TTN: variants seen among roughly 807,000 people sequenced by gnomAD.
TTN encodes the protein titin.
Under a neutral mutation model 3,223.0 loss-of-function variants are expected in TTN, and 1,525 were observed. The ratio of observed to expected loss-of-function variants is 0.47; its 90% CI spans 0.45 to 0.49. The LOEUF (loss-of-function observed/expected upper bound fraction) is 0.49. Among genes scored for constraint, TTN ranks in the 20% least tolerant of loss-of-function variants. The pLI is 0.00. For missense variants in TTN, 40,786 were observed against 43,424.0 expected (o/e 0.94, Z 5.40); for synonymous variants, 14,094 against 15,161.0 (o/e 0.93, Z 5.17).
At position 178,566,799 on chromosome 2, in the gene TTN, G is replaced by A. The variant is rs780658084; in HGVS notation, c.79333C>T (p.Arg26445Cys). 11 of 1,613,238 alleles carry A rather than the reference G, an allele frequency of 6.8e-6. No homozygotes were observed. The highest frequency in any genetic ancestry group is 3.3e-5 in the Admixed American group (2 of 59,974). Residue 26445 changes from arginine (R) to cysteine (C), a missense_variant, in exon 326 of 363, where the codon CGT (arginine) becomes TGT (cysteine). Transcript: ENST00000589042. ...KCNKRRITDL[R>C]LRVTGLTEDH... ...TCTGTTAATCCTGTCACTCTTAGAC[G>A]CAAATCTGTAATGCGGCGTTTATTA...
intron 295 of TTN, 56 bp downstream of exon 295, chr2:178,595,451 C>A: frequency 6.7e-7 from 1 of 1,499,556 alleles, no homozygotes; most frequent in South Asian, 1.3e-5. Flanking sequence ...TCACCATAGT[C>A]TTGTACTAAA....
Position 178,634,049 on chromosome 2 carries a change from A to G in TTN, c.42450T>C (p.Asp14150=). ...CTGTTTCACCTTCTTTTACTGTTTG[A>G]TCTTCAAGAGGTGACATGAATTTCA... ...IRLKFMSPLE[D]QTVKEGETAT... The change falls in exon 231 of 363, where the codon GAT becomes GAC. Residue 14150 remains aspartate, a synonymous_variant. Coordinates refer to ENST00000589042, the MANE Select transcript of TTN (RefSeq NM_001267550.2). The surrounding 1 kb of genome is among the most constrained non-coding windows in gnomAD (Gnocchi z 4.6). 1 of 1,613,098 alleles carries G rather than the reference A, an allele frequency of 6.2e-7. No homozygotes were observed. The highest frequency in any genetic ancestry group is 8.5e-7 in the Non-Finnish European group (1 of 1,179,428).
chr2:178,741,223 C>T lies in TTN; in HGVS notation c.12010G>A (p.Glu4004Lys), dbSNP rs755242569. 9.9e-6 allele frequency: 16 copies of T among 1,613,436 alleles called. No individual in the cohort carries two copies. Among genetic ancestry groups the T allele is most frequent in the Non-Finnish European group, 1.4e-5 (16 of 1,179,818 alleles). Reference sequence around the variant, plus strand: ...TTACAGATATAGAGGCCACTGTCTTCCCTCTGAGGGTCATTGACAATGAAA... The same window carrying T: ...TTACAGATATAGAGGCCACTGTCTTTCCTCTGAGGGTCATTGACAATGAAA... ...GTFIVNDPQR[E>K]DSGLYICKAE... is the part of the protein sequence containing the mutation. The change falls in exon 48 of 363, where the codon GAA (glutamate) becomes AAA (lysine). Residue 4004 changes from glutamate to lysine, a missense_variant. Coordinates refer to ENST00000589042, the MANE Select transcript of TTN (RefSeq NM_001267550.2).
chr2:178,530,586 C>T lies in TTN; in HGVS notation c.106029G>A (p.Glu35343=), dbSNP rs985272969. ...ATTCAGTGAGGTTATTGATTTTGAG[C>T]TCATAGGTACCATCTGCTGAATAAT... ...QFHYSADGTY[E]LKINNLTESD... is the part of the protein sequence containing the mutation. Residue 35343 remains glutamate, a synonymous_variant, in exon 358 of 363, where the codon GAG becomes GAA. Coordinates refer to ENST00000589042, the MANE Select transcript of TTN (RefSeq NM_001267550.2). The T allele has an allele frequency of 6.2e-7, 1 of 1,613,888 alleles. No homozygotes were observed. Among genetic ancestry groups the T allele is most frequent in the Admixed American group, 1.7e-5 (1 of 59,998 alleles).
In TTN at chr2:178,618,181, C is replaced by A; in HGVS notation, c.47269+8G>T. The A allele has an allele frequency of 1.2e-6, 2 of 1,611,368 alleles. No individual in the cohort carries two copies. Among genetic ancestry groups the A allele is most frequent in the African/African-American group, 1.3e-5 (1 of 74,844 alleles). On this transcript the variant is annotated splice_region_variant and intron_variant, in intron 252 of 362. Transcript: ENST00000589042. ...AAAGCTAACTTGAATTTACTTAAAA[C>A]TTCTTACCATATTTACTCCTTGCTT...
chr2:178,764,963 C>T, intron 41 of TTN, 152 bp from the exon 42 acceptor site: 1 of 801,024 alleles, frequency 1.2e-6, no homozygotes, highest in South Asian at 1.8e-5. Context: ...AATATTAGAA[C>T]ATTCTTTGTG....
chr2:178,771,582 C>A (rs1387824847), intron 33 of TTN, 111 bp from the exon 34 acceptor site: 9 of 1,466,304 alleles, frequency 6.1e-6, no homozygotes, highest in Non-Finnish European at 8.5e-6. Flanking sequence ...ATTTTGAAAT[C>A]ATGAAATGTC....
rs767410813 is a variant in TTN, at chr2:178,738,189, G to C, written c.14264C>G (p.Ser4755Cys). Residue 4755 changes from serine (S) to cysteine (C), a missense_variant, in exon 49 of 363, where the codon TCC (serine) becomes TGC (cysteine). Coordinates refer to ENST00000589042, the MANE Select transcript of TTN (RefSeq NM_001267550.2). ...KCSIRSSKYI[S>C]SLEILRTQVV... ...CTGGGTTCTCAGGATTTCAAGGCTG[G>C]AGATATACTTTGAAGATCGAATAGA... The C allele has an allele frequency of 1.9e-6, 3 of 1,613,770 alleles. No individual in the cohort carries two copies. The South Asian group carries it at 3.3e-5, about 18-fold the overall frequency.
Position 178,647,373 on chromosome 2 carries a change from C to T in TTN, c.40141+8G>A. The T allele has an allele frequency of 6.5e-7, 1 of 1,549,402 alleles. No homozygotes were observed. Among genetic ancestry groups the T allele is most frequent in the Non-Finnish European group, 8.7e-7 (1 of 1,146,278 alleles). ...CATCTTTCCAAGATTTATGGAGAAG[C>T]CGTGTACCTTCAGCAGGTGGAACTT... On this transcript the variant is annotated splice_region_variant and intron_variant, in intron 214 of 362. Transcript: ENST00000589042.
Position 178,566,811 on chromosome 2 carries a change from T to C in TTN, c.79321A>G (p.Ile26441Val), listed in dbSNP as rs1305096924. 1 of 1,613,292 alleles carries C rather than the reference T, an allele frequency of 6.2e-7. No homozygotes were observed. The highest frequency in any genetic ancestry group is 8.5e-7 in the Non-Finnish European group (1 of 1,179,700). Residue 26441 changes from isoleucine (I) to valine (V), a missense_variant, in exon 326 of 363, where the codon ATT becomes GTT. By Grantham distance (29) the Ile-to-Val change is conservative (BLOSUM62 3). Coordinates refer to ENST00000589042, the MANE Select transcript of TTN (RefSeq NM_001267550.2). ...IRWIKCNKRRITDLRLRVTGL... is the reference protein window; with the variant it reads ...IRWIKCNKRRVTDLRLRVTGL... ...GTCACTCTTAGACGCAAATCTGTAA[T>C]GCGGCGTTTATTACATTTTATCCAT...
At chr2:178,599,925 T>A (rs1343874887) in intron 288 of TTN, 75 bp from the exon 289 acceptor site, 3 of 1,408,690 alleles carry the variant, frequency 2.1e-6, no homozygotes, top group Non-Finnish European at 2.8e-6. Flanking sequence ...ACAGTTACTA[T>A]AAAGTTGTTT....
rs753201701 is a variant in TTN, at chr2:178,794,973, C to A, written c.1194G>T (p.Val398=). ...ISGAAGAAAS[V]SASASYAAEA... ...CTGCTGCGTAGCTAGCACTGGCCGA[C>A]ACACTGGCGGCAGCACCCGCAGCAC... Residue 398 remains valine, a synonymous_variant, in exon 7 of 363, where the codon GTG becomes GTT. Coordinates refer to ENST00000589042, the MANE Select transcript of TTN (RefSeq NM_001267550.2). 8.7e-6 allele frequency: 14 copies of A among 1,606,570 alleles called. No homozygotes were observed. In the East Asian group the frequency reaches 2.9e-4, roughly 33 times the overall value.
intron 218 of TTN, among the ~76,000 whole-genome samples, chr2:178,644,004 A>T (rs1247567869): frequency 6.6e-6 from 1 of 151,918 alleles, no homozygotes; most frequent in Non-Finnish European, 1.5e-5. Context: ...CATTTTGAAA[A>T]ATTACCTACA....
intron 6 of TTN, chr2:178,799,202 T>A: frequency 7.2e-6 from 3 of 417,440 alleles, no homozygotes. Context: ...CGCCCAAATG[T>A]TGCATTTCCC....
intron 6 of TTN, among the ~76,000 whole-genome samples, chr2:178,795,544 AG>A (rs2093723956): frequency 6.6e-6 from 1 of 151,982 alleles, no homozygotes; most frequent in Non-Finnish European, 1.5e-5. Flanking sequence ...CAACAGAAAA[AG>A]CTACTTCTTT....
Position 178,717,183 on chromosome 2 carries a change from T to C in TTN, c.25551A>G (p.Lys8517=), listed in dbSNP as rs772565132. ...VENTATLTVL[K]VGKGDAGQYT... The stretch of plus-strand genomic sequence containing the variant: ...ACTGCCCGGCATCGCCTTTGCCTAC[T>C]TTGAGAACTGTCAGAGTGGCAGTAT... Residue 8517 remains lysine, a synonymous_variant, in exon 88 of 363, where the codon AAA becomes AAG. Transcript: ENST00000589042. The C allele has an allele frequency of 6.2e-7, 1 of 1,613,650 alleles. No homozygotes were observed.
rs2154135557 is a variant in TTN, at chr2:178,533,971, T to C, written c.102644A>G (p.Tyr34215Cys). Residue 34215 changes from tyrosine (Y) to cysteine (C), a missense_variant, in exon 358 of 363, where the codon TAT becomes TGT. Transcript: ENST00000589042. ...CTCTGCATAAGAACTGTCTTCACCA[T>C]AGTCATTGACTACTTTGCATCTGTA... is the stretch of plus-strand genomic sequence containing the variant. ...GTYRCKVVNDYGEDSSYAELF... is the reference protein window; with the variant it reads ...GTYRCKVVNDCGEDSSYAELF... 1.2e-6 allele frequency: 2 copies of C among 1,613,952 alleles called. No individual in the cohort carries two copies. The highest frequency in any genetic ancestry group is 4.5e-5 in the East Asian group (2 of 44,884).
Position 178,608,879 on chromosome 2 carries a change from A to C in TTN, c.52132T>G (p.Phe17378Val). 6.2e-7 allele frequency: 1 copy of C among 1,611,008 alleles called. No individual in the cohort carries two copies. The highest frequency in any genetic ancestry group is 8.5e-7 in the Non-Finnish European group (1 of 1,179,142). The change falls in exon 274 of 363, where the codon TTT (phenylalanine) becomes GTT (valine). Residue 17378 changes from phenylalanine (F) to valine (V), a missense_variant. By Grantham distance (50) the Phe-to-Val change is conservative. Transcript: ENST00000589042. ...DTPGPPINFV[F>V]EDIRKTSVLC... is the part of the protein sequence containing the mutation. ...ACTGAGGTCTTTCTGATATCTTCAAATACAAAGTTGATTGGTGGTCCCGGT... is the reference window on the plus strand; with the variant it reads ...ACTGAGGTCTTTCTGATATCTTCAACTACAAAGTTGATTGGTGGTCCCGGT...
Position 178,569,316 on chromosome 2 carries a change from C to T in TTN, c.76816G>A (p.Val25606Ile), listed in dbSNP as rs794729501. ...GTGATTTCTGTGACTTTCAGGTTAA[C>T]AGGTGGACTTGGCGTGTCCAGAACT... ...VRVLDTPSPP[V>I]NLKVTEITKD... The change falls in exon 326 of 363, where the codon GTT becomes ATT. Residue 25606 changes from valine to isoleucine, a missense_variant. Physicochemically the swap from Val to Ile is conservative, Grantham distance 29. Coordinates refer to ENST00000589042, the MANE Select transcript of TTN (RefSeq NM_001267550.2). 12 of 1,612,626 alleles carry T rather than the reference C, an allele frequency of 7.4e-6. No homozygotes were observed. The African/African-American group carries it at 1.1e-4, about 14-fold the overall frequency.
Sources: gnomAD v4.1 joint callset for allele counts (sites outside exome capture counted in the v4.1 genomes callset) on GRCh38, gnomAD v4.1.1 for gene constraint, Gnocchi (gnomAD v3.1) non-coding constraint, MANE v1.5 for transcripts, NCBI Gene and HGNC (gene_info 2026-07-23, HGNC 2026-07-21) for gene names.